TTC7A: variants seen among roughly 807,000 people sequenced by gnomAD.
TTC7A encodes tetratricopeptide repeat domain 7A, also known as tetratricopeptide repeat protein 7A.
TTC7A carries 110 observed loss-of-function variants against 103.7 expected under a neutral mutation model. The observed-to-expected ratio is 1.06, with a 90% CI of 0.91 to 1.24. TTC7A has a LOEUF of 1.24. TTC7A is among the 50% of genes most tolerant of loss of function. TTC7A has a pLI of 0.00. For missense variants in TTC7A, 1,340 were observed against 1,116.3 expected (o/e 1.20, Z -2.86); for synonymous variants, 521 against 467.9 (o/e 1.11, Z -1.47).
intron 11 of TTC7A, 41 bp downstream of exon 11, chr2:47,011,476 G>T: frequency 6.6e-7 from 1 of 1,519,730 alleles, no homozygotes; most frequent in Non-Finnish European, 9.0e-7. Flanking sequence ...GCCTCCTGTG[G>T]GGAGGGTGGC....
At chr2:47,040,938 T>G (rs779130736) in intron 15 of TTC7A, among the ~76,000 whole-genome samples, 3 of 152,182 alleles carry the variant, frequency 2.0e-5, no homozygotes, top group Non-Finnish European at 4.4e-5. Context: ...ACTGTGACCA[T>G]TGCTCTTCTG....
chr2:47,039,728 G>T (rs1681534288), intron 15 of TTC7A, among the ~76,000 whole-genome samples: 1 of 152,226 alleles, frequency 6.6e-6, no homozygotes, highest in Admixed American at 6.5e-5. Flanking sequence ...AGGAGTGCAG[G>T]TGAGGCATGG....
chr2:46,930,786 CA>C (rs1669659400), intron 2 of TTC7A, among the ~76,000 whole-genome samples: 1 of 152,102 alleles, frequency 6.6e-6, no homozygotes, highest in Non-Finnish European at 1.5e-5. Context: ...AGGCGTGAGC[CA>C]CCGCACCCAG....
chr2:46,920,980 A>C (rs1349838212), intron 2 of TTC7A, among the ~76,000 whole-genome samples: 1 of 152,138 alleles, frequency 6.6e-6, no homozygotes, highest in East Asian at 1.9e-4. Context: ...TGATAAAAAA[A>C]AAAAAAACTT....
At chr2:46,944,457 A>G (rs1057119429) in intron 1 of TTC7A, among the ~76,000 whole-genome samples, 4 of 136,322 alleles carry the variant, frequency 2.9e-5, no homozygotes, top group African/African-American at 1.1e-4. Flanking sequence ...ATAGCTTACT[A>G]CACACTCAAA....
At chr2:47,061,453 G>A (rs891153048) in intron 19 of TTC7A, among the ~76,000 whole-genome samples, 3 of 152,146 alleles carry the variant, frequency 2.0e-5, no homozygotes, top group African/African-American at 7.2e-5. Context: ...TTCTGGGGTG[G>A]GCTGTCATGT....
Position 47,074,896 on chromosome 2 carries a change from G to A in TTC7A, c.*973G>A, listed in dbSNP as rs1013229980. On this transcript the variant is annotated 3_prime_UTR_variant, in exon 20 of 20. Transcript: ENST00000319190. The stretch of plus-strand genomic sequence containing the variant: ...TGTCTTCCGGGCCTGGGGGCTGTGG[G>A]TGTATGTCCTCCCTACTGGCTTCCC... The A allele has an allele frequency of 2.0e-5, 3 of 152,294 alleles. No individual in the cohort carries two copies. Among genetic ancestry groups the A allele is most frequent in the Non-Finnish European group, 4.4e-5 (3 of 68,126 alleles). The allele number at this position is 152,294 out of a possible 1,614,324, so 9.4% of individuals were successfully genotyped here. A position where few individuals can be genotyped will look rare whatever the true frequency, so the allele number is the denominator to read the frequency against.
chr2:47,052,335 G>T (rs1682932545), intron 18 of TTC7A, among the ~76,000 whole-genome samples: 1 of 152,170 alleles, frequency 6.6e-6, no homozygotes, highest in Non-Finnish European at 1.5e-5. Flanking sequence ...GCGTCTGAAG[G>T]CCAGCCAGTG....
At chr2:47,033,118 A>G (rs1265177624) in intron 15 of TTC7A, among the ~76,000 whole-genome samples, 3 of 152,142 alleles carry the variant, frequency 2.0e-5, no homozygotes, top group Non-Finnish European at 4.4e-5. Flanking sequence ...GAAAAATGTC[A>G]TTGCTCTTCG....
At chr2:47,040,389 C>T (rs764915392) in intron 15 of TTC7A, 3 of 152,286 alleles carry the variant, frequency 2.0e-5, no homozygotes, top group Admixed American at 2.0e-4. Context: ...CCTTCGATGC[C>T]GATGGCGTGG....
chr2:46,955,206 C>T (rs771796383), intron 2 of TTC7A, among the ~76,000 whole-genome samples: 14 of 151,126 alleles, frequency 9.3e-5, no homozygotes, highest in African/African-American at 2.5e-4. Flanking sequence ...CCCTCACCCA[C>T]GAGGAAGACG....
chr2:47,025,262 T>C (rs1436196827), intron 14 of TTC7A, among the ~76,000 whole-genome samples: 1 of 152,182 alleles, frequency 6.6e-6, no homozygotes, highest in Admixed American at 6.5e-5. Flanking sequence ...GGGGAAGCCC[T>C]ACCTTCTGAG....
intron 8 of TTC7A, among the ~76,000 whole-genome samples, chr2:46,996,323 C>G (rs966262341): frequency 6.6e-6 from 1 of 152,156 alleles, no homozygotes; most frequent in African/African-American, 2.4e-5. Context: ...CTGGGAACCA[C>G]CAGGTTGAGA....
intron 10 of TTC7A, among the ~76,000 whole-genome samples, chr2:47,008,693 A>G (rs1677691775): frequency 6.6e-6 from 1 of 152,164 alleles, no homozygotes. Context: ...GCAGCCCTCA[A>G]GAGTGGCCAG....
At chr2:47,049,007 C>T (rs1024287176) in intron 16 of TTC7A, among the ~76,000 whole-genome samples, 11 of 152,148 alleles carry the variant, frequency 7.2e-5, no homozygotes, top group African/African-American at 2.2e-4. Flanking sequence ...AGATGGTTTC[C>T]TCTGATGCCC....
At chr2:46,917,378 G>A (rs1389846495) in intron 2 of TTC7A, 1 of 584,440 alleles carries the variant, frequency 1.7e-6, no homozygotes, top group Non-Finnish European at 3.0e-6. Flanking sequence ...GGATTAGTTT[G>A]ATCTAGTTCC....
At chr2:46,975,958 A>C (rs1259069030) in intron 4 of TTC7A, among the ~76,000 whole-genome samples, 1 of 152,096 alleles carries the variant, frequency 6.6e-6, no homozygotes, top group Non-Finnish European at 1.5e-5. Flanking sequence ...GCTGGTTTTG[A>C]ACTCCTGACC....
At chr2:46,995,237 C>T (rs1399939899) in intron 8 of TTC7A, 38 bp downstream of exon 8, 3 of 1,608,268 alleles carry the variant, frequency 1.9e-6, no homozygotes, top group South Asian at 1.1e-5. Context: ...CTCTGGCCCT[C>T]TGACCCTGTG....
chr2:47,041,930 C>A (rs535197061), intron 15 of TTC7A, among the ~76,000 whole-genome samples: 12 of 150,760 alleles, frequency 8.0e-5, no homozygotes, highest in South Asian at 2.1e-4. Flanking sequence ...GGAAAAAAAA[C>A]GTATTTAATT....
Sources: allele counts gnomAD v4.1 joint callset (sites outside exome capture counted in the v4.1 genomes callset), GRCh38; gene constraint gnomAD v4.1.1; transcripts MANE v1.5; gene names NCBI Gene and HGNC (gene_info 2026-07-23, HGNC 2026-07-21).